The following DLGAP1 variants were observed in gnomAD, a reference collection of about 807,000 sequenced individuals.
The protein encoded by DLGAP1 is disks large-associated protein 1.
A neutral mutation model predicts 90.8 loss-of-function variants in DLGAP1; 11 were observed. The observed-to-expected ratio is 0.12, with a 90% confidence interval of 0.08 to 0.20. The LOEUF is 0.20. Among genes scored for constraint, DLGAP1 ranks in the 10% least tolerant of loss-of-function variants. DLGAP1 has a pLI of 1.00. For synonymous variants in DLGAP1, 558 were observed against 540.7 expected, an observed-to-expected ratio of 1.03 and a Z score of -0.44; for missense variants, 1,050 against 1,333.8, an observed-to-expected ratio of 0.79 and a Z score of 3.31.
intron 3 of DLGAP1, among the ~76,000 whole-genome samples, chr18:3,924,390 C>T (rs928066808): frequency 2.0e-5 from 3 of 152,214 alleles, no homozygotes; most frequent in Non-Finnish European, 4.4e-5. Flanking sequence ...CTTCCTCCCC[C>T]ACTGCCACCC....
chr18:3,588,497 T>C lies in DLGAP1; in HGVS notation c.1592-6249A>G, dbSNP rs146772988. Among the ~76,000 whole-genome samples the C allele has an allele frequency of 3.9e-3, 598 of 151,400 alleles. 3 individuals are homozygous for C. Among genetic ancestry groups the C allele is most frequent in the African/African-American group, 0.014 (578 of 41,258 alleles). Reference sequence around the variant, plus strand: ...AGTTATATTTTTAAGAAAGACATTATACGGCAGAGTGCGGTGGCTCGCTCC... The same window carrying C: ...AGTTATATTTTTAAGAAAGACATTACACGGCAGAGTGCGGTGGCTCGCTCC... On this transcript the variant is annotated intron_variant, in intron 7 of 12. Transcript: ENST00000315677.
intron 2 of DLGAP1, among the ~76,000 whole-genome samples, chr18:4,126,836 C>T (rs2076240021): frequency 1.3e-5 from 2 of 152,146 alleles, no homozygotes; most frequent in Admixed American, 6.5e-5. Context: ...AAGGCAACTT[C>T]TAAAAAGGAT....
At chr18:3,540,394 C>T (rs572074550) in intron 9 of DLGAP1, among the ~76,000 whole-genome samples, 36 of 145,460 alleles carry the variant, frequency 2.5e-4, no homozygotes, top group African/African-American at 8.0e-4. Flanking sequence ...TTGAAGAACC[C>T]GGGAGGCAGA....
rs2062308017 is a variant in DLGAP1 at position 3,729,058 on chromosome 18, G to C, written c.1591+77C>G. 3.3e-6 allele frequency: 5 copies of C among 1,517,344 alleles called. No homozygotes were observed. The highest frequency in any genetic ancestry group is 1.3e-5 in the South Asian group (1 of 78,106). The allele number at this position is 1,517,344 out of a possible 1,614,324, so 94.0% of individuals were successfully genotyped here. A position where few individuals can be genotyped will look rare whatever the true frequency, so the allele number is the denominator to read the frequency against. ...TTCCTGGCAACTATGTGTGTTGACA[G>C]CAAGGGCACAGTCTTTGGGGACAGT... On this transcript the variant is annotated intron_variant, in intron 7 of 12. Coordinates refer to ENST00000315677, the MANE Select transcript of DLGAP1 (RefSeq NM_004746.4). This position sits in a 1 kb window ranked among gnomAD's most constrained non-coding sequence, Gnocchi z 6.2.
At chr18:3,738,919 A>C (rs1598522391) in intron 6 of DLGAP1, among the ~76,000 whole-genome samples, 1 of 148,358 alleles carries the variant, frequency 6.7e-6, no homozygotes, top group Non-Finnish European at 1.5e-5. Flanking sequence ...GAACTCAAAC[A>C]AATTTACAAG....
intron 2 of DLGAP1, among the ~76,000 whole-genome samples, chr18:4,141,712 A>G (rs2076498212): frequency 6.6e-6 from 1 of 151,212 alleles, no homozygotes; most frequent in Non-Finnish European, 1.5e-5. Flanking sequence ...CCTCAATCTC[A>G]CTAATTCTTT....
rs916851796 is a variant in DLGAP1, at chr18:3,694,038, C to T, written c.1591+35097G>A. ...AATGCTATCCCTCCCCTAGCCACCC[C>T]CCCCTCAGCCCCCAACAGGCCCCAG... On this transcript the variant is annotated intron_variant, in intron 7 of 12. Transcript: ENST00000315677. Among the ~76,000 whole-genome samples the T allele has an allele frequency of 5.0e-5, 7 of 140,912 alleles. No homozygotes were observed. In the East Asian group the frequency reaches 9.9e-4, roughly 20 times the overall value. The allele number at this position is 140,912 out of a possible 152,430, so 92.4% of individuals were successfully genotyped here.
intron 7 of DLGAP1, among the ~76,000 whole-genome samples, chr18:3,630,970 T>A (rs929313992): frequency 6.6e-6 from 1 of 152,108 alleles, no homozygotes; most frequent in Non-Finnish European, 1.5e-5. Context: ...TGAATCTTTT[T>A]ATTTATTTTT....
chr18:3,729,403 C>T lies in DLGAP1; in HGVS notation c.1351-28G>A. 6.3e-7 allele frequency: 1 copy of T among 1,594,522 alleles called. No homozygotes were observed. Among genetic ancestry groups the T allele is most frequent in the South Asian group, 1.1e-5 (1 of 89,192 alleles). On this transcript the variant is annotated intron_variant, in intron 6 of 12. Transcript: ENST00000315677. This position sits in a 1 kb window ranked among gnomAD's most constrained non-coding sequence, Gnocchi z 6.2. ...GCGGGCAGACACAGGCGTTGTGACACTCGCCTCCACCTGGTGGAGGATCAA... is the reference window on the plus strand; with the variant it reads ...GCGGGCAGACACAGGCGTTGTGACATTCGCCTCCACCTGGTGGAGGATCAA...
intron 10 of DLGAP1, among the ~76,000 whole-genome samples, chr18:3,520,606 A>AT (rs2051123265): frequency 6.6e-6 from 1 of 152,114 alleles, no homozygotes; most frequent in African/African-American, 2.4e-5. Flanking sequence ...CACAGAGGGG[A>AT]GAATCAGGGA....
At chr18:4,267,030 T>C (rs1474237160) in intron 1 of DLGAP1, among the ~76,000 whole-genome samples, 1 of 152,218 alleles carries the variant, frequency 6.6e-6, no homozygotes, top group African/African-American at 2.4e-5. Flanking sequence ...ACTCTTACCT[T>C]ACTCTTTTGC....
chr18:3,874,832 T>C, intron 4 of DLGAP1: 1 of 1,329,462 alleles, frequency 7.5e-7, no homozygotes, highest in Non-Finnish European at 9.8e-7. Flanking sequence ...CTTTTTTTAT[T>C]AACTGCAGAC....
intron 1 of DLGAP1, among the ~76,000 whole-genome samples, chr18:4,346,697 T>C (rs913937587): frequency 6.6e-6 from 1 of 152,160 alleles, no homozygotes; most frequent in African/African-American, 2.4e-5. Flanking sequence ...AAGTTTAGAG[T>C]CAGTTGGCTA....
At chr18:4,302,482 G>C (rs761628809) in intron 1 of DLGAP1, among the ~76,000 whole-genome samples, 3 of 151,722 alleles carry the variant, frequency 2.0e-5, no homozygotes, top group Admixed American at 6.6e-5. Context: ...CCTCTATTCT[G>C]TTCCATTGGT....
intron 1 of DLGAP1, among the ~76,000 whole-genome samples, chr18:4,240,022 A>T (rs1284587367): frequency 6.6e-6 from 1 of 152,154 alleles, no homozygotes; most frequent in Non-Finnish European, 1.5e-5. Context: ...ATGTCAAGTT[A>T]GTCCTCCAAA....
chr18:4,294,362 G>A (rs1174288026), intron 1 of DLGAP1: 1 of 152,306 alleles, frequency 6.6e-6, no homozygotes, highest in East Asian at 1.9e-4. Flanking sequence ...TGAGAGTCAG[G>A]GTGGCCTGGG....
chr18:4,100,352 A>G (rs2041462789), intron 2 of DLGAP1, among the ~76,000 whole-genome samples: 1 of 152,240 alleles, frequency 6.6e-6, no homozygotes, highest in African/African-American at 2.4e-5. Flanking sequence ...AATATTTGAA[A>G]AAACATCTTT....
intron 2 of DLGAP1, among the ~76,000 whole-genome samples, chr18:4,140,701 T>C (rs1363990582): frequency 1.3e-5 from 2 of 152,050 alleles, no homozygotes; most frequent in Non-Finnish European, 2.9e-5. Flanking sequence ...AAGTACTCCC[T>C]TTAGCATTTC....
intron 7 of DLGAP1, among the ~76,000 whole-genome samples, chr18:3,625,370 C>T (rs1599601887): frequency 6.6e-6 from 1 of 152,142 alleles, no homozygotes; most frequent in African/African-American, 2.4e-5. Context: ...GAAGGAGAGA[C>T]CTCCTCAGGT....
Sources: gnomAD v4.1 joint callset for allele counts (sites outside exome capture counted in the v4.1 genomes callset) on GRCh38, gnomAD v4.1.1 for gene constraint, Gnocchi (gnomAD v3.1) non-coding constraint, MANE v1.5 for transcripts, NCBI Gene and HGNC (gene_info 2026-07-23, HGNC 2026-07-21) for gene names.